The following VWA8 variants were observed in gnomAD, a reference collection of about 807,000 sequenced individuals.
VWA8 encodes the protein von Willebrand factor A domain containing 8, also known as von Willebrand factor A domain-containing protein 8.
In VWA8, 221 loss-of-function variants were observed where a neutral mutation model predicts 241.5. That is an observed-to-expected ratio of 0.91 (90% confidence interval 0.82 to 1.02). The LOEUF (loss-of-function observed/expected upper bound fraction) is 1.02, where lower values mean the gene tolerates loss of function less well. Ranked by LOEUF, VWA8 falls within the 50% of genes least tolerant of loss-of-function variation. The pLI, the probability that VWA8 is intolerant of heterozygous loss-of-function variation, is 0.00. For synonymous variants in VWA8, 852 were observed against 827.1 expected, an observed-to-expected ratio of 1.03 and a Z score of -0.52; for missense variants, 2,322 against 2,328.7, an observed-to-expected ratio of 1.00 and a Z score of 0.06.
In VWA8 at chr13:41,787,421, C is replaced by T. The variant is rs766555238; in HGVS notation, c.2170+16G>A. 1 of 1,563,752 alleles carries T rather than the reference C, an allele frequency of 6.4e-7. No individual in the cohort carries two copies. The highest frequency in any genetic ancestry group is 1.1e-5 in the South Asian group (1 of 89,168). ...TATTATTTCACTTAAAAAAAAGAGC[C>T]AAATCAAATACTTACATTTGTAATC... On this transcript the variant is annotated intron_variant, in intron 18 of 44. Transcript: ENST00000379310.
chr13:41,924,554 C>T (rs1012948853), intron 2 of VWA8, among the ~76,000 whole-genome samples: 8 of 152,012 alleles, frequency 5.3e-5, no homozygotes, highest in African/African-American at 1.9e-4. Context: ...TGAACAAATA[C>T]ATTATGGGAT....
chr13:41,582,804 G>A (rs2044391946), intron 42 of VWA8, among the ~76,000 whole-genome samples: 1 of 152,178 alleles, frequency 6.6e-6, no homozygotes, highest in African/African-American at 2.4e-5. Context: ...TCTGAGAAGA[G>A]ACTGATAATT....
At chr13:41,912,320 TAA>T in intron 2 of VWA8, 152 bp from the exon 3 acceptor site, 2 of 546,710 alleles carry the variant, frequency 3.7e-6, no homozygotes, top group Non-Finnish European at 5.3e-6. Context: ...TAAATATATA[TAA>T]ACATATGCAT....
chr13:41,796,924 G>A (rs1179940840), intron 17 of VWA8, among the ~76,000 whole-genome samples: 3 of 151,930 alleles, frequency 2.0e-5, no homozygotes, highest in African/African-American at 7.3e-5. Flanking sequence ...AACTAAATAG[G>A]CTTTTAAGTG....
chr13:41,831,515 C>T (rs888842049), intron 13 of VWA8, among the ~76,000 whole-genome samples: 5 of 151,656 alleles, frequency 3.3e-5, no homozygotes, highest in African/African-American at 9.7e-5. Flanking sequence ...CTTGACTGTA[C>T]GTTAGAATCT....
intron 37 of VWA8, among the ~76,000 whole-genome samples, chr13:41,649,495 ATAT>A (rs1337055909): frequency 3.3e-5 from 5 of 152,036 alleles, no homozygotes; most frequent in African/African-American, 1.2e-4. Flanking sequence ...GCAGATAATA[ATAT>A]TATCTGTATT....
At chr13:41,671,246 C>A in intron 36 of VWA8, 99 bp from the exon 37 acceptor site, 1 of 1,256,792 alleles carries the variant, frequency 8.0e-7, no homozygotes, top group Non-Finnish European at 1.1e-6. Context: ...AAAAAGTATG[C>A]TCACACTACT....
At chr13:41,702,028 A>T (rs750221275) in intron 27 of VWA8, among the ~76,000 whole-genome samples, 3 of 152,214 alleles carry the variant, frequency 2.0e-5, no homozygotes, top group Non-Finnish European at 4.4e-5. Flanking sequence ...TAAAAAACCA[A>T]ACTTACTGAT....
At chr13:41,664,687 G>A (rs921766516) in intron 37 of VWA8, among the ~76,000 whole-genome samples, 5 of 151,900 alleles carry the variant, frequency 3.3e-5, no homozygotes, top group African/African-American at 1.2e-4. Flanking sequence ...AAATTTCAGT[G>A]CCACCCCACA....
At chr13:41,934,011 A>T (rs942761535) in intron 2 of VWA8, among the ~76,000 whole-genome samples, 1 of 151,776 alleles carries the variant, frequency 6.6e-6, no homozygotes. Flanking sequence ...TTCAGAGAAC[A>T]CTATTAGGAG....
intron 35 of VWA8, among the ~76,000 whole-genome samples, chr13:41,681,016 T>C (rs1434838568): frequency 2.0e-5 from 3 of 152,362 alleles, no homozygotes; most frequent in Non-Finnish European, 2.9e-5. Context: ...TGTTCATCTC[T>C]GCATTGTTCA....
intron 37 of VWA8, among the ~76,000 whole-genome samples, chr13:41,625,714 C>A (rs1185706219): frequency 6.6e-6 from 1 of 152,004 alleles, no homozygotes; most frequent in African/African-American, 2.4e-5. Flanking sequence ...CCATTTGACC[C>A]AGCCATCCCA....
chr13:41,881,710 C>T (rs1216721926), intron 9 of VWA8, among the ~76,000 whole-genome samples: 1 of 147,034 alleles, frequency 6.8e-6, no homozygotes. Flanking sequence ...CCGGACGGGG[C>T]GGCTGGCCGG....
intron 21 of VWA8, among the ~76,000 whole-genome samples, chr13:41,733,916 A>G (rs539922138): frequency 1.3e-5 from 2 of 152,362 alleles, no homozygotes; most frequent in African/African-American, 4.8e-5. Flanking sequence ...GATGTAGTTT[A>G]TAGTGCAGGA....
At chr13:41,869,318 A>G (rs1057479190) in intron 9 of VWA8, among the ~76,000 whole-genome samples, 1 of 152,070 alleles carries the variant, frequency 6.6e-6, no homozygotes, top group African/African-American at 2.4e-5. Flanking sequence ...TAGGGGTCTC[A>G]ATATTTGTTG....
chr13:41,724,346 G>A (rs1265136714), intron 24 of VWA8, among the ~76,000 whole-genome samples: 7 of 152,032 alleles, frequency 4.6e-5, no homozygotes, highest in Admixed American at 2.6e-4. Context: ...GCAATAGATC[G>A]CAAAAAGAGT....
chr13:41,935,800 T>C (rs1176118454), intron 2 of VWA8, among the ~76,000 whole-genome samples: 1 of 151,846 alleles, frequency 6.6e-6, no homozygotes, highest in Admixed American at 6.6e-5. Context: ...TCATATCTTA[T>C]ATGACACTCT....
At chr13:41,798,385 G>A (rs1302277589) in intron 17 of VWA8, among the ~76,000 whole-genome samples, 1 of 152,140 alleles carries the variant, frequency 6.6e-6, no homozygotes, top group Admixed American at 6.6e-5. Context: ...ACTACTAAAC[G>A]TAGTAAGCTC....
At chr13:41,936,571 G>A (rs1244315044) in intron 2 of VWA8, among the ~76,000 whole-genome samples, 3 of 152,108 alleles carry the variant, frequency 2.0e-5, no homozygotes, top group Non-Finnish European at 4.4e-5. Flanking sequence ...AGCCTATTTA[G>A]CACATTACAT....
Sources: gnomAD v4.1 joint callset for allele counts (sites outside exome capture counted in the v4.1 genomes callset) on GRCh38, gnomAD v4.1.1 for gene constraint, MANE v1.5 for transcripts, NCBI Gene and HGNC (gene_info 2026-07-23, HGNC 2026-07-21) for gene names.